The following NSD1 variants were observed in gnomAD, a reference collection of about 807,000 sequenced individuals.
NSD1 encodes the protein histone-lysine N-methyltransferase, H3 lysine-36 specific.
NSD1 carries 26 observed loss-of-function variants against 242.7 expected under a neutral mutation model. The ratio of observed to expected loss-of-function variants is 0.11; its 90% CI spans 0.08 to 0.15. NSD1 has a LOEUF of 0.15. Ranked by LOEUF, NSD1 falls within the 10% of genes least tolerant of loss-of-function variation. The pLI, the probability that NSD1 is intolerant of heterozygous loss-of-function variation, is 1.00. For synonymous variants in NSD1, 1,106 were observed against 1,178.1 expected, an observed-to-expected ratio of 0.94 and a Z score of 1.25; for missense variants, 2,495 against 3,272.8, an observed-to-expected ratio of 0.76 and a Z score of 5.80.
intron 4 of NSD1, among the ~76,000 whole-genome samples, chr5:177,204,510 C>T (rs561027283): frequency 3.3e-5 from 5 of 152,218 alleles, no homozygotes; most frequent in East Asian, 1.9e-4. Context: ...AGCACCACCA[C>T]GCCTGGCTAA....
At chr5:177,257,841 TA>T (rs993937089) in intron 13 of NSD1, among the ~76,000 whole-genome samples, 11 of 149,000 alleles carry the variant, frequency 7.4e-5, no homozygotes, top group African/African-American at 2.7e-4. Context: ...TATTTTATTT[TA>T]TTTTTTTTTG....
At chr5:177,145,655 G>T (rs1757178541) in intron 2 of NSD1, among the ~76,000 whole-genome samples, 3 of 152,122 alleles carry the variant, frequency 2.0e-5, no homozygotes, top group African/African-American at 7.2e-5. Flanking sequence ...GCTCACGCCT[G>T]TAATCCCAGC....
intron 17 of NSD1, among the ~76,000 whole-genome samples, chr5:177,274,933 C>T (rs188539289): frequency 1.3e-4 from 19 of 151,832 alleles, no homozygotes; most frequent in African/African-American, 3.6e-4. Context: ...GGGGTTTCGC[C>T]GTGTTGGCCA....
In NSD1 at chr5:177,269,561, A is replaced by G; in HGVS notation, c.5304-41A>G. 1 of 1,576,196 alleles carries G rather than the reference A, an allele frequency of 6.3e-7. No individual in the cohort carries two copies. The highest frequency in any genetic ancestry group is 8.7e-7 in the Non-Finnish European group (1 of 1,146,078). Reference sequence around the variant, plus strand: ...GTAGGTTATTTTCCTAATGCCTTGCAGCCTTCTAGAGGTTTTCCTTCTCCT... The same window carrying G: ...GTAGGTTATTTTCCTAATGCCTTGCGGCCTTCTAGAGGTTTTCCTTCTCCT... On this transcript the variant is annotated intron_variant, in intron 15 of 22. Coordinates refer to ENST00000439151, the MANE Select transcript of NSD1 (RefSeq NM_022455.5). This position sits in a 1 kb window ranked among gnomAD's most constrained non-coding sequence, Gnocchi z 5.1.
Position 177,294,277 on chromosome 5 carries a change from G to A in NSD1, c.6909G>A (p.Gly2303=), listed in dbSNP as rs1402218230. 1 of 1,613,466 alleles carries A rather than the reference G, an allele frequency of 6.2e-7. No individual in the cohort carries two copies. The highest frequency in any genetic ancestry group is 8.5e-7 in the Non-Finnish European group (1 of 1,179,522). Reference sequence around the variant, plus strand: ...AGGTCAGAGACCTCGCTGGGTCAGGGACCAAATCCCAATCCTTGGTTTCCA... The same window carrying A: ...AGGTCAGAGACCTCGCTGGGTCAGGAACCAAATCCCAATCCTTGGTTTCCA... ...LDKVRDLAGS[G]TKSQSLVSSQ... Residue 2303 remains glycine (G), a synonymous_variant, in exon 23 of 23, where the codon GGG becomes GGA. Coordinates refer to ENST00000439151, the MANE Select transcript of NSD1 (RefSeq NM_022455.5).
chr5:177,212,130 T>C lies in NSD1; in HGVS notation c.3731T>C (p.Ile1244Thr), dbSNP rs1763393040. 6.2e-7 allele frequency: 1 copy of C among 1,614,020 alleles called. No homozygotes were observed. The highest frequency in any genetic ancestry group is 8.5e-7 in the Non-Finnish European group (1 of 1,179,992). Residue 1244 changes from isoleucine to threonine, a missense_variant, in exon 5 of 23, where the codon ATT becomes ACT. By Grantham distance (89) the Ile-to-Thr change is moderately conservative. Around this residue, in one of 19 missense-constraint regions of NSD1, gnomAD observed 426 missense variants for 411.4 expected, o/e 1.04. Coordinates refer to ENST00000439151, the MANE Select transcript of NSD1 (RefSeq NM_022455.5). ...LNVCDKSSAS[I>T]GDMEKEPGIP... ...GTTTGTGATAAATCCAGTGCCAGCA[T>C]TGGTGACATGGAAAAGGAGCCAGGA...
chr5:177,253,319 G>A (rs185521788), intron 12 of NSD1, among the ~76,000 whole-genome samples: 1 of 152,254 alleles, frequency 6.6e-6, no homozygotes, highest in Admixed American at 6.5e-5. Flanking sequence ...AGGTAAAATT[G>A]AAGTGCAAAC....
intron 8 of NSD1, 119 bp downstream of exon 8, chr5:177,239,984 G>A: frequency 1.5e-6 from 1 of 664,358 alleles, no homozygotes; most frequent in African/African-American, 1.8e-5. Flanking sequence ...TAGTGTGTGT[G>A]TCAGCAGTCA....
At chr5:177,266,185 A>G (rs1035199048) in intron 14 of NSD1, 1 of 1,047,970 alleles carries the variant, frequency 9.5e-7, no homozygotes, top group Non-Finnish European at 1.5e-6. Context: ...GGACTCGTAG[A>G]AGAGGCAGTT....
intron 5 of NSD1, among the ~76,000 whole-genome samples, chr5:177,226,301 C>T (rs1764622513): frequency 6.6e-6 from 1 of 152,156 alleles, no homozygotes; most frequent in Admixed American, 6.5e-5. Flanking sequence ...TCCCAAAGTG[C>T]TGGGATTACA....
intron 17 of NSD1, among the ~76,000 whole-genome samples, chr5:177,275,435 CT>C (rs749631943): frequency 0.018 from 890 of 50,074 alleles, no homozygotes; most frequent in South Asian, 0.029. Flanking sequence ...CTTCCCTTGT[CT>C]TTTTTTTTTT....
At chr5:177,290,696 A>AC (rs1759748800) in intron 21 of NSD1, among the ~76,000 whole-genome samples, 1 of 152,244 alleles carries the variant, frequency 6.6e-6, no homozygotes, top group Admixed American at 6.5e-5. Context: ...GGCGTGAGCC[A>AC]CTGCGCCTGG....
intron 20 of NSD1, among the ~76,000 whole-genome samples, chr5:177,285,360 G>A (rs750526971): frequency 5.9e-5 from 9 of 151,920 alleles, no homozygotes; most frequent in Non-Finnish European, 1.2e-4. Context: ...TCAGGAGATC[G>A]AGACCATCCT....
chr5:177,271,518 T>G (rs563788315), intron 16 of NSD1, among the ~76,000 whole-genome samples: 1 of 152,144 alleles, frequency 6.6e-6, no homozygotes, highest in Non-Finnish European at 1.5e-5. Flanking sequence ...CTGACTCTTA[T>G]AGTAGGGCCA....
chr5:177,192,139 C>T, intron 3 of NSD1, 120 bp downstream of exon 3: 1 of 844,320 alleles, frequency 1.2e-6, no homozygotes, highest in South Asian at 1.9e-5. Flanking sequence ...ATTGGTGTTA[C>T]ATATTTTATC....
chr5:177,217,870 A>G (rs887667550), intron 5 of NSD1, among the ~76,000 whole-genome samples: 3 of 151,480 alleles, frequency 2.0e-5, no homozygotes, highest in African/African-American at 7.3e-5. Flanking sequence ...GGGTTTCACC[A>G]TGTTGGTCAG....
chr5:177,278,112 A>T (rs1263029264), intron 17 of NSD1, among the ~76,000 whole-genome samples: 2 of 152,154 alleles, frequency 1.3e-5, no homozygotes, highest in South Asian at 4.1e-4. Context: ...TCCAAACCTT[A>T]CCAGTGTTTT....
intron 14 of NSD1, chr5:177,265,372 G>A: frequency 3.4e-6 from 2 of 596,990 alleles, no homozygotes; most frequent in South Asian, 2.1e-5. Flanking sequence ...TTTCCCAGCT[G>A]AAGATTTATT....
chr5:177,264,184 T>C, intron 14 of NSD1, among the ~76,000 whole-genome samples: 1 of 151,914 alleles, frequency 6.6e-6, no homozygotes. Flanking sequence ...TACAGGCATG[T>C]GCCACTATGC....
Sources: allele counts gnomAD v4.1 joint callset (sites outside exome capture counted in the v4.1 genomes callset), GRCh38; gene constraint gnomAD v4.1.1; regional missense constraint gnomAD v4.1.1; non-coding constraint Gnocchi (gnomAD v3.1); transcripts MANE v1.5; gene names NCBI Gene and HGNC (gene_info 2026-07-23, HGNC 2026-07-21).